Variants in ADGRA3 observed in about 807,000 individuals in gnomAD.
The protein encoded by ADGRA3 is adhesion G protein-coupled receptor A3, also known as G-protein coupled receptor 125.
ADGRA3 carries 56 observed loss-of-function variants against 119.8 expected under a neutral mutation model. The observed-to-expected ratio is 0.47, with a 90% CI of 0.38 to 0.58. The LOEUF (loss-of-function observed/expected upper bound fraction) is 0.58, where lower values mean the gene tolerates loss of function less well. ADGRA3 is among the 20% of genes least tolerant of loss of function. The pLI is 0.00. For synonymous variants in ADGRA3, 607 were observed against 623.8 expected (o/e 0.97, Z 0.40); for missense variants, 1,516 against 1,649.0 (o/e 0.92, Z 1.40).
At chr4:22,484,269 T>C (rs1428791813) in intron 1 of ADGRA3, among the ~76,000 whole-genome samples, 1 of 152,118 alleles carries the variant, frequency 6.6e-6, no homozygotes, top group African/African-American at 2.4e-5. Context: ...ATTATTCTTA[T>C]TCTTTTAATA....
At chr4:22,445,191 G>A in intron 5 of ADGRA3, 58 bp from the exon 6 acceptor site, 2 of 1,495,536 alleles carry the variant, frequency 1.3e-6, no homozygotes, top group Non-Finnish European at 1.9e-6. Flanking sequence ...TAGCACTTTT[G>A]TTTTATATTG....
At chr4:22,515,500 A>C in intron 1 of ADGRA3, 28 bp downstream of exon 1, 1 of 1,597,672 alleles carries the variant, frequency 6.3e-7, no homozygotes, top group Non-Finnish European at 8.5e-7. Flanking sequence ...CGAGCGGGAG[A>C]GGACCCAGCG....
At chr4:22,412,539 C>T (rs1715249349) in intron 14 of ADGRA3, among the ~76,000 whole-genome samples, 1 of 151,968 alleles carries the variant, frequency 6.6e-6, no homozygotes. Flanking sequence ...AGTGATAATG[C>T]AAATATTCCA....
Position 22,439,518 on chromosome 4 carries a change from T to C in ADGRA3, c.921-1098A>G, listed in dbSNP as rs143070398. Among the ~76,000 whole-genome samples, 970 of 152,338 alleles carry C rather than the reference T, an allele frequency of 6.4e-3. 12 individuals carry two copies. The highest frequency in any genetic ancestry group is 0.022 in the African/African-American group (896 of 41,582). ...TCATTTTAATTAACTTACAAAATTA[T>C]GTCTTAAAGTAAATACACATTTGTC... On this transcript the variant is annotated intron_variant, in intron 7 of 18. Coordinates refer to ENST00000334304, the MANE Select transcript of ADGRA3 (RefSeq NM_145290.4).
intron 1 of ADGRA3, among the ~76,000 whole-genome samples, chr4:22,487,978 T>A (rs1718492559): frequency 6.6e-6 from 1 of 151,982 alleles, no homozygotes; most frequent in African/African-American, 2.4e-5. Context: ...GGGTGCCGGA[T>A]GTCAGGGTAC....
At chr4:22,502,392 C>A (rs1719077639) in intron 1 of ADGRA3, among the ~76,000 whole-genome samples, 1 of 152,060 alleles carries the variant, frequency 6.6e-6, no homozygotes, top group Admixed American at 6.6e-5. Flanking sequence ...GGGTGGAATG[C>A]TGGAAATGAT....
Position 22,388,163 on chromosome 4 carries a change from G to A in ADGRA3, c.3508C>T (p.Arg1170Cys), listed in dbSNP as rs758188846. Residue 1170 changes from arginine to cysteine, a missense_variant, in exon 19 of 19, where the codon CGC becomes TGC. Around this residue, in one of 2 missense-constraint regions of ADGRA3, gnomAD observed 1,088 missense variants for 1,107.1 expected, o/e 0.98. Coordinates refer to ENST00000334304, the MANE Select transcript of ADGRA3 (RefSeq NM_145290.4). ...CCTTTACTTCTGTTTTTATGGTGGC[G>A]GCTTGAGTGCACATTTGTTCGAAAC... is the stretch of plus-strand genomic sequence containing the variant. ...VQFRTNVHSS[R>C]HHKNRSKGHR... The A allele has an allele frequency of 1.2e-6, 2 of 1,614,020 alleles. No individual in the cohort carries two copies. The highest frequency in any genetic ancestry group is 1.7e-5 in the Admixed American group (1 of 60,016).
chr4:22,424,602 T>G (rs1715857499), intron 10 of ADGRA3, among the ~76,000 whole-genome samples: 1 of 152,180 alleles, frequency 6.6e-6, no homozygotes, highest in Non-Finnish European at 1.5e-5. Flanking sequence ...GTGAAAAGAC[T>G]GCCAGGTGTT....
In ADGRA3 at chr4:22,389,069, G is replaced by A; in HGVS notation, c.2723+19C>T. The A allele has an allele frequency of 6.2e-7, 1 of 1,609,224 alleles. No individual in the cohort carries two copies. The highest frequency in any genetic ancestry group is 8.5e-7 in the Non-Finnish European group (1 of 1,176,216). On this transcript the variant is annotated intron_variant, in intron 18 of 18. Coordinates refer to ENST00000334304, the MANE Select transcript of ADGRA3 (RefSeq NM_145290.4). Reference sequence around the variant, plus strand: ...GAGAAACAACTGGGTCAAGTACACAGAGAATATAAAATACTCACTAGGGTG... The same window carrying A: ...GAGAAACAACTGGGTCAAGTACACAAAGAATATAAAATACTCACTAGGGTG...
chr4:22,434,425 A>G (rs1261632537), intron 10 of ADGRA3, among the ~76,000 whole-genome samples: 1 of 152,030 alleles, frequency 6.6e-6, no homozygotes, highest in Non-Finnish European at 1.5e-5. Flanking sequence ...TCAGGGCCAC[A>G]TTGTATGGGA....
At chr4:22,412,640 G>C (rs534057863) in intron 14 of ADGRA3, among the ~76,000 whole-genome samples, 1 of 151,982 alleles carries the variant, frequency 6.6e-6, no homozygotes, top group African/African-American at 2.4e-5. Flanking sequence ...TGTTAACAAC[G>C]GCAAATAACA....
chr4:22,403,933 A>G (rs1158338013), intron 14 of ADGRA3, among the ~76,000 whole-genome samples: 1 of 152,144 alleles, frequency 6.6e-6, no homozygotes, highest in Non-Finnish European at 1.5e-5. Context: ...TAAGGATTAG[A>G]TTCAAAGGAG....
At chr4:22,410,664 A>C (rs1715153716) in intron 14 of ADGRA3, among the ~76,000 whole-genome samples, 2 of 152,234 alleles carry the variant, frequency 1.3e-5, no homozygotes, top group South Asian at 4.1e-4. Flanking sequence ...ACTGCTTTCT[A>C]ATTTGCTTTC....
At position 22,402,730 on chromosome 4, in the gene ADGRA3, T is replaced by C. The variant is rs200151762; in HGVS notation, c.2302A>G (p.Ile768Val). 4.9e-4 allele frequency: 788 copies of C among 1,613,852 alleles called. 11 individuals carry two copies. In the South Asian group the frequency reaches 8.1e-3, roughly 17 times the overall value. Reference sequence around the variant, plus strand: ...GCTAAGAGACATAAGAGGAGAATGATAGCGGTAGTATAAACCACAGGATGC... The same window carrying C: ...GCTAAGAGACATAAGAGGAGAATGACAGCGGTAGTATAAACCACAGGATGC... ...LLHPVVYTTA[I>V]ILLLCLLAVI... is the part of the protein sequence containing the mutation. Residue 768 changes from isoleucine (I) to valine (V), a missense_variant, in exon 15 of 19, where the codon ATC (isoleucine) becomes GTC (valine). By Grantham distance (29) the Ile-to-Val change is conservative. Coordinates refer to ENST00000334304, the MANE Select transcript of ADGRA3 (RefSeq NM_145290.4).
intron 7 of ADGRA3, among the ~76,000 whole-genome samples, chr4:22,441,454 T>A (rs1350864333): frequency 6.6e-6 from 1 of 152,200 alleles, no homozygotes; most frequent in African/African-American, 2.4e-5. Flanking sequence ...TATTTTAGGC[T>A]TTGCTGGCTA....
rs755293820 is a variant in ADGRA3 at position 22,413,834 on chromosome 4, T to TA, written c.1810-21dup. ...AGTATTCTGAAAAAATATATATACA[T>TA]AAAAAAAGCTCACTACATTAGTACA... On this transcript the variant is annotated intron_variant, in intron 12 of 18. Transcript: ENST00000334304. 3.9e-6 allele frequency: 6 copies of TA among 1,522,522 alleles called. No homozygotes were observed. Among genetic ancestry groups the TA allele is most frequent in the Middle Eastern group, 1.9e-4 (1 of 5,232 alleles). 94.3% of individuals were successfully genotyped at this position (1,522,522 alleles called of 1,614,324 possible). A position where few individuals can be genotyped will look rare whatever the true frequency, so the allele number is the denominator to read the frequency against.
intron 1 of ADGRA3, among the ~76,000 whole-genome samples, chr4:22,477,173 T>C (rs745944862): frequency 9.8e-5 from 15 of 152,314 alleles, no homozygotes; most frequent in Middle Eastern, 3.4e-3. Context: ...GCCACATTTA[T>C]TTATTTATAT....
intron 9 of ADGRA3, 136 bp downstream of exon 9, chr4:22,436,304 A>G: frequency 1.5e-6 from 1 of 656,514 alleles, no homozygotes; most frequent in Non-Finnish European, 2.6e-6. Flanking sequence ...TCCTGAAGAC[A>G]GTTAAGTCAA....
At chr4:22,420,560 AAAAC>A in intron 12 of ADGRA3, 1 of 391,884 alleles carries the variant, frequency 2.6e-6, no homozygotes, top group Non-Finnish European at 4.5e-6. Context: ...CAGGAGCAAA[AAAAC>A]AAATAAATAA....
Sources: gnomAD v4.1 joint callset for allele counts (sites outside exome capture counted in the v4.1 genomes callset) on GRCh38, gnomAD v4.1.1 for gene constraint, gnomAD v4.1.1 regional missense constraint, MANE v1.5 for transcripts, NCBI Gene and HGNC (gene_info 2026-07-23, HGNC 2026-07-21) for gene names.